Variants in SERINC5 observed in about 807,000 individuals in gnomAD.
The protein encoded by SERINC5 is chromosome 5 open reading frame 12.
Under a neutral mutation model 63.1 loss-of-function variants are expected in SERINC5, and 41 were observed. The ratio of observed to expected loss-of-function variants is 0.65; its 90% confidence interval spans 0.51 to 0.84. The LOEUF is 0.84. Among genes scored for constraint, SERINC5 ranks in the 40% least tolerant of loss-of-function variants. The probability of loss-of-function intolerance (pLI) is 0.00; values close to 1 mark genes in which losing one functional copy is unlikely to be tolerated. For missense variants in SERINC5, 523 were observed against 573.0 expected, an observed-to-expected ratio of 0.91 and a Z score of 0.89; for synonymous variants, 222 against 215.2, an observed-to-expected ratio of 1.03 and a Z score of -0.28.
chr5:80,201,721 T>C (rs1188755349), intron 2 of SERINC5, among the ~76,000 whole-genome samples: 1 of 152,164 alleles, frequency 6.6e-6, no homozygotes, highest in African/African-American at 2.4e-5. Context: ...AGGTCCCACA[T>C]GTATCTCCAT....
In SERINC5 at chr5:80,177,783, G is replaced by C. The variant is rs1748131693; in HGVS notation, c.374+103C>G. The stretch of plus-strand genomic sequence containing the variant: ...TCCCCTAAATCAACAATTTCAACTA[G>C]AAGAAGGGCAGTCACAGTGTCTGGT... On this transcript the variant is annotated intron_variant, in intron 3 of 11. Coordinates refer to ENST00000507668, the MANE Select transcript of SERINC5 (RefSeq NM_001174072.3). The C allele has an allele frequency of 6.8e-6, 6 of 885,366 alleles. No individual in the cohort carries two copies. In the South Asian group the frequency reaches 9.4e-5, roughly 14 times the overall value. 54.8% of individuals were successfully genotyped at this position (885,366 alleles called of 1,614,324 possible).
chr5:80,240,382 G>A (rs1363212279), intron 1 of SERINC5, among the ~76,000 whole-genome samples: 1 of 152,168 alleles, frequency 6.6e-6, no homozygotes, highest in African/African-American at 2.4e-5. Context: ...TAGTAGTTAT[G>A]TATTTCTTAA....
At chr5:80,208,501 C>A (rs1051026168) in intron 1 of SERINC5, among the ~76,000 whole-genome samples, 1 of 152,126 alleles carries the variant, frequency 6.6e-6, no homozygotes, top group Admixed American at 6.5e-5. Context: ...GTCACAGTGG[C>A]AACACTCCTC....
rs146577827 is a variant in SERINC5 at position 80,162,385 on chromosome 5, T to C, written c.860-3423A>G. Among the ~76,000 whole-genome samples the C allele has an allele frequency of 9.7e-3, 1,472 of 152,192 alleles. 25 individuals are homozygous for C. The highest frequency in any genetic ancestry group is 0.034 in the African/African-American group (1,408 of 41,572). Reference sequence around the variant, plus strand: ...TTCGCTTGCATCCTTTTTATTTTTATTTTTTTGAGACGTGGTCTTGCTCTT... The same window carrying C: ...TTCGCTTGCATCCTTTTTATTTTTACTTTTTTGAGACGTGGTCTTGCTCTT... On this transcript the variant is annotated intron_variant, in intron 7 of 11. Transcript: ENST00000507668.
At chr5:80,240,375 T>C (rs867316713) in intron 1 of SERINC5, among the ~76,000 whole-genome samples, 4 of 152,228 alleles carry the variant, frequency 2.6e-5, no homozygotes, top group Admixed American at 1.3e-4. Context: ...TTTACCATAG[T>C]AGTTATGTAT....
chr5:80,221,771 T>TAA (rs1414946157), intron 1 of SERINC5, among the ~76,000 whole-genome samples: 1 of 132,340 alleles, frequency 7.6e-6, no homozygotes, highest in East Asian at 2.2e-4. Flanking sequence ...TGGTCTACAT[T>TAA]AAAAAGCAAG....
At chr5:80,254,884 G>A (rs1462904607) in intron 1 of SERINC5, among the ~76,000 whole-genome samples, 1 of 152,172 alleles carries the variant, frequency 6.6e-6, no homozygotes, top group East Asian at 1.9e-4. Flanking sequence ...GCCGGTTACA[G>A]AAACCCACAG....
intron 7 of SERINC5, among the ~76,000 whole-genome samples, chr5:80,161,534 G>T (rs1478175126): frequency 6.6e-6 from 1 of 151,930 alleles, no homozygotes; most frequent in Non-Finnish European, 1.5e-5. Context: ...CATGTTCTTT[G>T]ACTACTTTTT....
intron 6 of SERINC5, chr5:80,167,214 C>T (rs1747355885): frequency 6.6e-6 from 1 of 152,126 alleles, no homozygotes; most frequent in Admixed American, 6.6e-5. Context: ...AGTTATCTTT[C>T]CTGATCCTCT....
intron 1 of SERINC5, among the ~76,000 whole-genome samples, chr5:80,219,156 G>C (rs1391447200): frequency 6.6e-6 from 1 of 152,168 alleles, no homozygotes; most frequent in African/African-American, 2.4e-5. Flanking sequence ...GCAAGATCAG[G>C]GGAAGGGGAA....
rs566385921 is a variant in SERINC5 at position 80,141,025 on chromosome 5, C to T, written c.*2638G>A. 12 of 985,374 alleles carry T rather than the reference C, an allele frequency of 1.2e-5. No individual in the cohort carries two copies. The South Asian group carries it at 5.2e-4, about 42-fold the overall frequency. The allele number at this position is 985,374 out of a possible 1,614,324, so 61.0% of individuals were successfully genotyped here. A position where few individuals can be genotyped will look rare whatever the true frequency, so the allele number is the denominator to read the frequency against. On this transcript the variant is annotated 3_prime_UTR_variant, in exon 12 of 12. Coordinates refer to ENST00000507668, the MANE Select transcript of SERINC5 (RefSeq NM_001174072.3). ...ACAATGTTTCCAGTTTCTCAAATCA[C>T]AATTGCACAAAACTGTAGATTCTTT...
rs146405538 is a variant in SERINC5 at position 80,180,589 on chromosome 5, G to A, written c.196-2525C>T. On this transcript the variant is annotated intron_variant, in intron 2 of 11. Transcript: ENST00000507668. ...AATCACAGAATCCTCTGTGGCTGGC[G>A]CTCCCAAAGAGGTTGCTCGGTATTT... Among the ~76,000 whole-genome samples the A allele has an allele frequency of 9.8e-3, 1,486 of 152,254 alleles. 25 individuals carry two copies. The highest frequency in any genetic ancestry group is 0.033 in the African/African-American group (1,366 of 41,528).
At chr5:80,161,003 CGTGTATAT>C (rs1746866695) in intron 7 of SERINC5, among the ~76,000 whole-genome samples, 1 of 141,430 alleles carries the variant, frequency 7.1e-6, no homozygotes, top group Non-Finnish European at 1.5e-5. Context: ...TATATATATA[CGTGTATAT>C]ATACGTGTAT....
At position 80,175,066 on chromosome 5, in the gene SERINC5, A is replaced by G. The variant is rs2112406767; in HGVS notation, c.458-19T>C. Reference sequence around the variant, plus strand: ...CGCCAGGCTGCAAAAGACCATGAAGAACACAATGAGGCAACCTTTCGTTGT... The same window carrying G: ...CGCCAGGCTGCAAAAGACCATGAAGGACACAATGAGGCAACCTTTCGTTGT... On this transcript the variant is annotated intron_variant, in intron 4 of 11. Transcript: ENST00000507668. The G allele has an allele frequency of 6.5e-7, 1 of 1,539,508 alleles. No homozygotes were observed. Among genetic ancestry groups the G allele is most frequent in the Non-Finnish European group, 8.8e-7 (1 of 1,135,540 alleles).
At chr5:80,239,482 T>C (rs866008824) in intron 1 of SERINC5, among the ~76,000 whole-genome samples, 22 of 151,848 alleles carry the variant, frequency 1.4e-4, no homozygotes, top group Middle Eastern at 6.8e-3. Flanking sequence ...TTTTTTTTTT[T>C]TTCATGTCAC....
chr5:80,166,331 T>C (rs1661178708), intron 7 of SERINC5, 52 bp downstream of exon 7: 1 of 1,179,306 alleles, frequency 8.5e-7, no homozygotes, highest in East Asian at 2.6e-5. Context: ...CATTCCTCCA[T>C]GAATGAAAAT....
chr5:80,143,308 G>A lies in SERINC5; in HGVS notation c.*355C>T, dbSNP rs1745622036. ...GCATGTTTTTCTATTCCGAGGATGA[G>A]AATGACTGGCCCCACAAGATATTTT... On this transcript the variant is annotated 3_prime_UTR_variant, in exon 12 of 12. Transcript: ENST00000507668. 2 of 1,015,814 alleles carry A rather than the reference G, an allele frequency of 2.0e-6. No individual in the cohort carries two copies. The highest frequency in any genetic ancestry group is 1.2e-6 in the Non-Finnish European group (1 of 849,552). 62.9% of individuals were successfully genotyped at this position (1,015,814 alleles called of 1,614,324 possible).
chr5:80,204,291 T>A (rs1326969370), intron 1 of SERINC5, among the ~76,000 whole-genome samples: 1 of 152,170 alleles, frequency 6.6e-6, no homozygotes, highest in African/African-American at 2.4e-5. Flanking sequence ...GCAATTGGCA[T>A]CTGAAATGAG....
chr5:80,199,684 G>A (rs150796223), intron 2 of SERINC5, among the ~76,000 whole-genome samples: 18 of 152,188 alleles, frequency 1.2e-4, no homozygotes, highest in African/African-American at 3.4e-4. Context: ...TCCCTCTAAC[G>A]TCTCAATAAA....
Sources: allele counts gnomAD v4.1 joint callset (sites outside exome capture counted in the v4.1 genomes callset), GRCh38; gene constraint gnomAD v4.1.1; transcripts MANE v1.5; gene names NCBI Gene and HGNC (gene_info 2026-07-23, HGNC 2026-07-21).